Variants in PELI2 observed in about 807,000 individuals in gnomAD.
The protein encoded by PELI2 is pellino E3 ubiquitin protein ligase family member 2, also known as E3 ubiquitin-protein ligase pellino homolog 2.
A neutral mutation model predicts 42.3 loss-of-function variants in PELI2; 23 were observed. That is an observed-to-expected ratio of 0.54 (90% CI 0.39 to 0.77). The LOEUF (loss-of-function observed/expected upper bound fraction) is 0.77, where lower values mean the gene tolerates loss of function less well. Among genes scored for constraint, PELI2 ranks in the 30% least tolerant of loss-of-function variants. The probability of loss-of-function intolerance (pLI) is 0.00; values close to 1 mark genes in which losing one functional copy is unlikely to be tolerated. For synonymous variants in PELI2, 245 were observed against 212.2 expected, an observed-to-expected ratio of 1.15 and a Z score of -1.34; for missense variants, 463 against 553.2, an observed-to-expected ratio of 0.84 and a Z score of 1.64.
At chr14:56,286,014 T>C (rs979195458) in intron 3 of PELI2, among the ~76,000 whole-genome samples, 2 of 152,184 alleles carry the variant, frequency 1.3e-5, no homozygotes, top group African/African-American at 4.8e-5. Flanking sequence ...TCCAAGCAGA[T>C]GATCATTTCT....
At position 56,240,731 on chromosome 14, in the gene PELI2, G is replaced by A. The variant is rs186572551; in HGVS notation, c.208-38945G>A. ...GACTAGGGGGTAAAGAGATGCTGAT[G>A]CTCAGGCTCAGGTGGAATGCTAGCT... is the stretch of plus-strand genomic sequence containing the variant. On this transcript the variant is annotated intron_variant, in intron 2 of 5. Transcript: ENST00000267460. 3.4e-3 allele frequency among the ~76,000 whole-genome samples: 513 copies of A among 152,238 alleles called. 3 individuals are homozygous for A. Among genetic ancestry groups the A allele is most frequent in the Middle Eastern group, 0.01 (3 of 294 alleles).
Position 56,179,224 on chromosome 14 carries a change from T to C in PELI2, c.207+760T>C, listed in dbSNP as rs181606482. Among the ~76,000 whole-genome samples, 71 of 152,316 alleles carry C rather than the reference T, an allele frequency of 4.7e-4. 1 individual carries two copies. The highest frequency in any genetic ancestry group is 1.1e-3 in the African/African-American group (44 of 41,566). On this transcript the variant is annotated intron_variant, in intron 2 of 5. Coordinates refer to ENST00000267460, the MANE Select transcript of PELI2 (RefSeq NM_021255.3). ...ATATATAGTCTTATTTTCTATAAAA[T>C]ATATTTACATGAAGCATTTCATACG...
intron 1 of PELI2, among the ~76,000 whole-genome samples, chr14:56,125,118 G>C (rs1883203579): frequency 6.6e-6 from 1 of 152,142 alleles, no homozygotes; most frequent in Non-Finnish European, 1.5e-5. Flanking sequence ...AGAGAATGGA[G>C]TGTGAGCTAG....
intron 2 of PELI2, among the ~76,000 whole-genome samples, 166 bp from the exon 3 acceptor site, chr14:56,279,510 C>T (rs759935513): frequency 1.3e-5 from 2 of 152,164 alleles, no homozygotes; most frequent in Non-Finnish European, 2.9e-5. Context: ...TGACTCTTGG[C>T]TTGTCTGTGA....
At chr14:56,294,443 C>T (rs1334610854) in intron 5 of PELI2, among the ~76,000 whole-genome samples, 4 of 152,206 alleles carry the variant, frequency 2.6e-5, no homozygotes, top group Admixed American at 1.3e-4. Context: ...AGTCGAGTGA[C>T]TGCATTGGGA....
At chr14:56,199,434 C>T (rs1032364390) in intron 2 of PELI2, among the ~76,000 whole-genome samples, 1 of 152,194 alleles carries the variant, frequency 6.6e-6, no homozygotes, top group Non-Finnish European at 1.5e-5. Flanking sequence ...TGAAAGTTCT[C>T]AACTAATCAC....
At chr14:56,279,405 T>G (rs555011644) in intron 2 of PELI2, among the ~76,000 whole-genome samples, 1 of 152,340 alleles carries the variant, frequency 6.6e-6, no homozygotes, top group African/African-American at 2.4e-5. Context: ...AAGAATGTGA[T>G]TGAATCGAGT....
chr14:56,214,965 C>G (rs966621663), intron 2 of PELI2, among the ~76,000 whole-genome samples: 13 of 152,116 alleles, frequency 8.5e-5, no homozygotes, highest in Non-Finnish European at 1.6e-4. Flanking sequence ...TCCTGAATAG[C>G]CTTTTAAATT....
At chr14:56,143,882 C>G (rs535984743) in intron 1 of PELI2, among the ~76,000 whole-genome samples, 11 of 152,240 alleles carry the variant, frequency 7.2e-5, no homozygotes, top group South Asian at 2.1e-4. Context: ...AGCCTCATTT[C>G]CTTTTATTGG....
chr14:56,249,793 T>C (rs1480467397), intron 2 of PELI2, among the ~76,000 whole-genome samples: 1 of 152,196 alleles, frequency 6.6e-6, no homozygotes, highest in Non-Finnish European at 1.5e-5. Flanking sequence ...GGAGTGTGTC[T>C]CTCACTGCTC....
At chr14:56,139,814 A>G (rs1883834319) in intron 1 of PELI2, among the ~76,000 whole-genome samples, 1 of 151,898 alleles carries the variant, frequency 6.6e-6, no homozygotes, top group Non-Finnish European at 1.5e-5. Context: ...ACCACTCCCA[A>G]TTCGGCAGTC....
intron 2 of PELI2, among the ~76,000 whole-genome samples, chr14:56,204,891 C>T (rs1021044544): frequency 2.6e-5 from 4 of 151,754 alleles, no homozygotes; most frequent in African/African-American, 7.3e-5. Flanking sequence ...AGTAGCCAGG[C>T]GTGGTGGCAC....
Position 56,118,755 on chromosome 14 carries a change from T to C in PELI2, c.77+18T>C. ...GTGCTCGGGTGAGTCCTGGGGTCCCTGGTCCCGGGCAGCGGCGCGGGCGGG... is the reference window on the plus strand; with the variant it reads ...GTGCTCGGGTGAGTCCTGGGGTCCCCGGTCCCGGGCAGCGGCGCGGGCGGG... On this transcript the variant is annotated intron_variant, in intron 1 of 5. Transcript: ENST00000267460. The C allele has an allele frequency of 6.8e-7, 1 of 1,467,902 alleles. No homozygotes were observed. Among genetic ancestry groups the C allele is most frequent in the Non-Finnish European group, 9.1e-7 (1 of 1,097,702 alleles). 90.9% of individuals were successfully genotyped at this position (1,467,902 alleles called of 1,614,324 possible).
At chr14:56,276,136 A>G (rs1354735366) in intron 2 of PELI2, among the ~76,000 whole-genome samples, 4 of 152,238 alleles carry the variant, frequency 2.6e-5, no homozygotes, top group Non-Finnish European at 5.9e-5. Flanking sequence ...GTTCAATGCC[A>G]TATGTACTTG....
intron 2 of PELI2, among the ~76,000 whole-genome samples, chr14:56,227,293 C>T (rs1887390759): frequency 6.6e-6 from 1 of 152,256 alleles, no homozygotes; most frequent in Middle Eastern, 3.4e-3. Flanking sequence ...GTGGCAGTAG[C>T]TGCCCAACTC....
chr14:56,251,300 A>G (rs1200044322), intron 2 of PELI2, among the ~76,000 whole-genome samples: 1 of 152,244 alleles, frequency 6.6e-6, no homozygotes, highest in Non-Finnish European at 1.5e-5. Flanking sequence ...TTATCCTCCT[A>G]GGAAGATAGT....
chr14:56,241,541 A>G (rs1887974086), intron 2 of PELI2, among the ~76,000 whole-genome samples: 1 of 152,172 alleles, frequency 6.6e-6, no homozygotes, highest in African/African-American at 2.4e-5. Flanking sequence ...CCAGTGCACT[A>G]GAGGCACAGG....
intron 2 of PELI2, among the ~76,000 whole-genome samples, chr14:56,274,208 T>C (rs1566677880): frequency 6.7e-6 from 1 of 150,152 alleles, no homozygotes; most frequent in Non-Finnish European, 1.5e-5. Flanking sequence ...AAAAGGACAT[T>C]AGTAAGGCAA....
chr14:56,288,404 C>T lies in PELI2; in HGVS notation c.310-33C>T, dbSNP rs371320127. 77 of 1,551,608 alleles carry T rather than the reference C, an allele frequency of 5.0e-5. No homozygotes were observed. The African/African-American group carries it at 9.9e-4, about 20-fold the overall frequency. On this transcript the variant is annotated intron_variant, in intron 3 of 5. Coordinates refer to ENST00000267460, the MANE Select transcript of PELI2 (RefSeq NM_021255.3). The surrounding 1 kb of genome is among the most constrained non-coding windows in gnomAD (Gnocchi z 4.6). ...TAAAATACGGCACCCTGCTATTTTC[C>T]AAGTGAATCACGAGTACATTTGATT... is the stretch of plus-strand genomic sequence containing the variant.
Sources: gnomAD v4.1 joint callset for allele counts (sites outside exome capture counted in the v4.1 genomes callset) on GRCh38, gnomAD v4.1.1 for gene constraint, Gnocchi (gnomAD v3.1) non-coding constraint, MANE v1.5 for transcripts, NCBI Gene and HGNC (gene_info 2026-07-23, HGNC 2026-07-21) for gene names.